The following GRB10 variants were observed in gnomAD, a reference collection of about 807,000 sequenced individuals.
The protein encoded by GRB10 is growth factor receptor bound protein 10.
In GRB10, 20 loss-of-function variants were observed where a neutral mutation model predicts 80.9. The observed-to-expected ratio is 0.25, with a 90% CI of 0.17 to 0.36. The LOEUF is 0.36. GRB10 is among the 10% of genes least tolerant of loss of function. The probability of loss-of-function intolerance (pLI) is 1.00; values close to 1 mark genes in which losing one functional copy is unlikely to be tolerated. For synonymous variants in GRB10, 291 were observed against 291.5 expected, an observed-to-expected ratio of 1.00 and a Z score of 0.02; for missense variants, 548 against 747.7, an observed-to-expected ratio of 0.73 and a Z score of 3.12.
At chr7:50,666,988 C>T (rs1051654475) in intron 7 of GRB10, among the ~76,000 whole-genome samples, 2 of 140,444 alleles carry the variant, frequency 1.4e-5, no homozygotes, top group South Asian at 2.2e-4. Context: ...TGCAGTGAGC[C>T]GAGATTGCGC....
intron 7 of GRB10, among the ~76,000 whole-genome samples, chr7:50,658,616 T>G (rs1402023081): frequency 6.6e-6 from 1 of 152,244 alleles, no homozygotes; most frequent in Non-Finnish European, 1.5e-5. Flanking sequence ...ATAATTTAAG[T>G]GCTCACATTT....
At chr7:50,634,357 C>G (rs1261448100) in intron 7 of GRB10, among the ~76,000 whole-genome samples, 1 of 152,116 alleles carries the variant, frequency 6.6e-6, no homozygotes, top group Non-Finnish European at 1.5e-5. Context: ...GAATTTGCCA[C>G]TACTAGACAA....
chr7:50,678,900 T>C (rs2153646151), intron 5 of GRB10, among the ~76,000 whole-genome samples: 1 of 152,310 alleles, frequency 6.6e-6, no homozygotes, highest in Non-Finnish European at 1.5e-5. Flanking sequence ...GAGAAACAAG[T>C]AAACAAATGC....
intron 4 of GRB10, among the ~76,000 whole-genome samples, chr7:50,720,476 G>A (rs2067540591): frequency 6.6e-6 from 1 of 152,096 alleles, no homozygotes; most frequent in South Asian, 2.1e-4. Context: ...CACAGGTGAT[G>A]AGGCCCATCT....
intron 5 of GRB10, among the ~76,000 whole-genome samples, chr7:50,699,403 CAAGTT>C (rs2063855869): frequency 1.3e-5 from 2 of 152,172 alleles, no homozygotes; most frequent in African/African-American, 4.8e-5. Flanking sequence ...TGAATTTTAA[CAAGTT>C]AAGGAGGTTT....
chr7:50,703,693 TGAGAA>T, intron 5 of GRB10, 123 bp downstream of exon 5: 1 of 700,370 alleles, frequency 1.4e-6, no homozygotes, highest in Non-Finnish European at 2.6e-6. Flanking sequence ...CTGTCCTTAA[TGAGAA>T]AAGAAGAACC....
intron 7 of GRB10, among the ~76,000 whole-genome samples, chr7:50,651,258 G>A (rs1184627308): frequency 1.3e-5 from 2 of 152,192 alleles, no homozygotes; most frequent in Non-Finnish European, 2.9e-5. Context: ...CAGTTTCGCA[G>A]AACAGAAATC....
chr7:50,701,868 T>A (rs1458886720), intron 5 of GRB10, among the ~76,000 whole-genome samples: 1 of 152,264 alleles, frequency 6.6e-6, no homozygotes, highest in African/African-American at 2.4e-5. Flanking sequence ...CTTTCATGCA[T>A]CTGTCTGAGC....
At chr7:50,705,473 T>C (rs566960608) in intron 4 of GRB10, 7 of 209,370 alleles carry the variant, frequency 3.3e-5, no homozygotes, top group Admixed American at 1.3e-4. Flanking sequence ...TTTATATTTT[T>C]GTATGCTAAA....
intron 4 of GRB10, among the ~76,000 whole-genome samples, chr7:50,731,307 C>CAA (rs71555907): frequency 4.2e-4 from 48 of 114,642 alleles, no homozygotes; most frequent in Non-Finnish European, 6.6e-4. Flanking sequence ...ACTTAGATAC[C>CAA]AAAAAAAAAA....
At chr7:50,629,037 C>A (rs2053516032) in intron 7 of GRB10, among the ~76,000 whole-genome samples, 1 of 152,186 alleles carries the variant, frequency 6.6e-6, no homozygotes, top group African/African-American at 2.4e-5. Context: ...TATAAATATG[C>A]TAACCATCAT....
At chr7:50,635,361 G>T (rs2054765644) in intron 7 of GRB10, among the ~76,000 whole-genome samples, 1 of 151,964 alleles carries the variant, frequency 6.6e-6, no homozygotes, top group Non-Finnish European at 1.5e-5. Flanking sequence ...AACACCTCTG[G>T]AATACAGCAA....
intron 15 of GRB10, 34 bp from the exon 16 acceptor site, chr7:50,604,411 A>G (rs766158025): frequency 6.4e-7 from 1 of 1,564,508 alleles, no homozygotes; most frequent in Non-Finnish European, 8.8e-7. Context: ...CACCGAGGAC[A>G]GCAGACAGAC....
intron 2 of GRB10, among the ~76,000 whole-genome samples, chr7:50,757,147 T>G (rs2075196420): frequency 6.6e-6 from 1 of 152,178 alleles, no homozygotes; most frequent in Non-Finnish European, 1.5e-5. Flanking sequence ...ACATGCTTGC[T>G]AAAAATCCAG....
chr7:50,655,550 C>CA (rs1270811249), intron 7 of GRB10, among the ~76,000 whole-genome samples: 23 of 152,316 alleles, frequency 1.5e-4, no homozygotes, highest in African/African-American at 5.5e-4. Flanking sequence ...TAGATGCACT[C>CA]AGCTGTCCAA....
rs750904239 is a variant in GRB10, at chr7:50,732,306, C to T, written c.17G>A (p.Cys6Tyr). 1 of 1,614,022 alleles carries T rather than the reference C, an allele frequency of 6.2e-7. No homozygotes were observed. Among genetic ancestry groups the T allele is most frequent in the Admixed American group, 1.7e-5 (1 of 60,002 alleles). The change falls in exon 4 of 19, where the codon TGC becomes TAC. Residue 6 changes from cysteine (C) to tyrosine (Y), a missense_variant. Coordinates refer to ENST00000401949, the MANE Select transcript of GRB10 (RefSeq NM_001350814.2). ...CGGATGGTGCAAAAAGGAATCTGGG[C>T]AGCCGGCTAAAGCCATGGGTTCCTT... MALAG[C>Y]PDSFLHHPYY...
Position 50,599,597 on chromosome 7 carries a change from C to T in GRB10, c.1545-4067G>A, listed in dbSNP as rs149941741. Among the ~76,000 whole-genome samples, 7 of 152,256 alleles carry T rather than the reference C, an allele frequency of 4.6e-5. No individual in the cohort carries two copies. In the East Asian group the frequency reaches 9.7e-4, roughly 21 times the overall value. On this transcript the variant is annotated intron_variant, in intron 17 of 18. Coordinates refer to ENST00000401949, the MANE Select transcript of GRB10 (RefSeq NM_001350814.2). ...GAGCTGGAAATGACAGCCTTGGAGA[C>T]GAGGAAGGCTCCAGGGAGGACGGAG...
intron 1 of GRB10, chr7:50,792,707 C>T (rs1292470503): frequency 2.5e-5 from 9 of 365,440 alleles, no homozygotes; most frequent in Non-Finnish European, 3.9e-5. Context: ...TGTCTGGCAC[C>T]ACTGTCCCGG....
chr7:50,774,999 A>C lies in GRB10; in HGVS notation c.-217+5628T>G, dbSNP rs531343824. 8.6e-3 allele frequency among the ~76,000 whole-genome samples: 1,267 copies of C among 146,922 alleles called. 22 individuals are homozygous for C. The highest frequency in any genetic ancestry group is 0.05 in the East Asian group (248 of 4,966). The stretch of plus-strand genomic sequence containing the variant: ...TCTCTAATACCAAAAACAAAACAAA[A>C]CAAAAAAAAAAACTAGCTGGGCGTG... On this transcript the variant is annotated intron_variant, in intron 2 of 18. Transcript: ENST00000401949.
Sources: allele counts gnomAD v4.1 joint callset (sites outside exome capture counted in the v4.1 genomes callset), GRCh38; gene constraint gnomAD v4.1.1; transcripts MANE v1.5; gene names NCBI Gene and HGNC (gene_info 2026-07-23, HGNC 2026-07-21).